Variants in ESRRB observed in about 807,000 individuals in gnomAD.
ESRRB encodes estrogen related receptor beta.
A neutral mutation model predicts 46.0 loss-of-function variants in ESRRB; 16 were observed. The observed-to-expected ratio is 0.35, with a 90% CI of 0.24 to 0.53. The LOEUF is 0.53. ESRRB is among the 20% of genes least tolerant of loss of function. ESRRB has a pLI of 0.93. For missense variants in ESRRB, 488 were observed against 607.4 expected (o/e 0.80, Z 2.07); for synonymous variants, 246 against 259.6 (o/e 0.95, Z 0.50).
intron 5 of ESRRB, among the ~76,000 whole-genome samples, chr14:76,491,038 G>A (rs1406528221): frequency 2.0e-5 from 3 of 152,116 alleles, no homozygotes; most frequent in Non-Finnish European, 4.4e-5. Context: ...CAGAGAGTGG[G>A]CCCTGGAAAC....
intron 1 of ESRRB, among the ~76,000 whole-genome samples, chr14:76,429,970 G>GCCTGCCTTCCTGCCTT (rs906006024): frequency 6.6e-6 from 1 of 151,298 alleles, no homozygotes; most frequent in Admixed American, 6.6e-5. Flanking sequence ...CTTCCTTCCT[G>GCCTGCCTTCCTGCCTT]CCTGCCTTCC....
chr14:76,457,672 C>T (rs1157775563), intron 2 of ESRRB, among the ~76,000 whole-genome samples: 2 of 152,040 alleles, frequency 1.3e-5, no homozygotes, highest in African/African-American at 2.4e-5. Flanking sequence ...ATCTAGGGAA[C>T]TTTTATTTTT....
chr14:76,403,737 T>G (rs1886042011), intron 1 of ESRRB, among the ~76,000 whole-genome samples: 1 of 152,118 alleles, frequency 6.6e-6, no homozygotes, highest in Non-Finnish European at 1.5e-5. Flanking sequence ...ACCATCTTTT[T>G]TTTTTTGAGA....
rs977959739 is a variant in ESRRB at position 76,405,513 on chromosome 14, T to C, written c.50+29062T>C. Among the ~76,000 whole-genome samples the C allele has an allele frequency of 1.3e-5, 2 of 152,160 alleles. 1 individual carries two copies. Among genetic ancestry groups the C allele is most frequent in the Middle Eastern group, 6.3e-3 (2 of 316 alleles). ...CTTGGGAAGTAGTGTGGGTGGTTTA[T>C]CTTGGGCATTTAAGTCCATGAGCAT... On this transcript the variant is annotated intron_variant, in intron 1 of 6. Transcript: ENST00000644823.
chr14:76,349,066 A>T (rs1008805360), intron 1 of ESRRB, among the ~76,000 whole-genome samples: 1 of 152,206 alleles, frequency 6.6e-6, no homozygotes, highest in Non-Finnish European at 1.5e-5. Context: ...GAAATGCTTC[A>T]TCCTCAAATG....
At chr14:76,416,455 G>A (rs542873323) in intron 1 of ESRRB, among the ~76,000 whole-genome samples, 7 of 150,724 alleles carry the variant, frequency 4.6e-5, no homozygotes, top group Admixed American at 1.3e-4. Flanking sequence ...TTTTCCCCCC[G>A]TCTCTGCTTT....
chr14:76,450,515 G>A (rs1371868181), intron 2 of ESRRB, among the ~76,000 whole-genome samples: 1 of 152,150 alleles, frequency 6.6e-6, no homozygotes, highest in East Asian at 1.9e-4. Flanking sequence ...ACAGGCCACT[G>A]GGAGTCTTTT....
intron 1 of ESRRB, among the ~76,000 whole-genome samples, chr14:76,411,166 G>A (rs1371063194): frequency 6.6e-6 from 1 of 152,002 alleles, no homozygotes; most frequent in African/African-American, 2.4e-5. Flanking sequence ...ATGCAAGGCT[G>A]GGCATGGTGG....
rs931695382 is a variant in ESRRB at position 76,318,598 on chromosome 14, A to G, written c.2+7682A>G. Among the ~76,000 whole-genome samples the G allele has an allele frequency of 4.6e-5, 7 of 152,156 alleles. 1 individual carries two copies. Among genetic ancestry groups the G allele is most frequent in the Admixed American group, 6.5e-5 (1 of 15,278 alleles). ...GTCCCAGCCTCTCCACTTCACACTCAGTTTCCTCATCTGTAAAATATGGGT... is the reference window on the plus strand; with the variant it reads ...GTCCCAGCCTCTCCACTTCACACTCGGTTTCCTCATCTGTAAAATATGGGT... On this transcript the variant is annotated intron_variant, in intron 1 of 6. Coordinates refer to the ESRRB transcript ENST00000512784.
intron 1 of ESRRB, among the ~76,000 whole-genome samples, chr14:76,344,346 T>C (rs1346201124): frequency 1.3e-5 from 2 of 152,160 alleles, no homozygotes; most frequent in Non-Finnish European, 2.9e-5. Flanking sequence ...TAGTGGTGAT[T>C]TGTGAGATCC....
At chr14:76,425,180 T>C (rs1008710256) in intron 1 of ESRRB, among the ~76,000 whole-genome samples, 2 of 152,172 alleles carry the variant, frequency 1.3e-5, no homozygotes, top group Non-Finnish European at 2.9e-5. Flanking sequence ...TGGAGGGCTA[T>C]CTCATGGAAG....
chr14:76,319,062 T>C (rs1021683611), intron 1 of ESRRB, among the ~76,000 whole-genome samples: 2 of 152,212 alleles, frequency 1.3e-5, no homozygotes, highest in Non-Finnish European at 2.9e-5. Flanking sequence ...GCCAAGCCTT[T>C]TTCCTCTCAT....
At chr14:76,358,937 G>T (rs1012890685) in intron 1 of ESRRB, among the ~76,000 whole-genome samples, 3 of 152,194 alleles carry the variant, frequency 2.0e-5, no homozygotes, top group African/African-American at 7.2e-5. Flanking sequence ...TCCCCACCCG[G>T]CAAGTCTGTG....
At chr14:76,371,869 C>T (rs1566863127), upstream of ESRRB, among the ~76,000 whole-genome samples, 1 of 152,118 alleles carries the variant, frequency 6.6e-6, no homozygotes, top group Non-Finnish European at 1.5e-5. Flanking sequence ...GAGGAAGTAT[C>T]CTCCTATTGT....
At chr14:76,433,493 G>T (rs775214831) in intron 1 of ESRRB, among the ~76,000 whole-genome samples, 1 of 152,072 alleles carries the variant, frequency 6.6e-6, no homozygotes, top group Non-Finnish European at 1.5e-5. Flanking sequence ...TCTCATCAAA[G>T]AAGCTGACAA....
At chr14:76,417,154 G>A (rs1886741828) in intron 1 of ESRRB, among the ~76,000 whole-genome samples, 1 of 152,044 alleles carries the variant, frequency 6.6e-6, no homozygotes. Flanking sequence ...AAAAAAGAAA[G>A]AAAGAAAAAG....
rs1182303124 is a variant in ESRRB, at chr14:76,439,591, G to A, written c.301G>A (p.Ala101Thr). ...ATGCCGCAAGAGCTACGAGGACTGT[G>A]CCAGCGGCATCATGGAGGACTCGGC... ...TPCRKSYEDCASGIMEDSAIK... is the reference protein window; with the variant it reads ...TPCRKSYEDCTSGIMEDSAIK... Residue 101 changes from alanine (A) to threonine (T), a missense_variant, in exon 2 of 7, where the codon GCC (alanine) becomes ACC (threonine). By Grantham distance (58) the Ala-to-Thr change is moderately conservative (BLOSUM62 0). Transcript: ENST00000644823. 1 of 1,614,200 alleles carries A rather than the reference G, an allele frequency of 6.2e-7. No homozygotes were observed. Among genetic ancestry groups the A allele is most frequent in the East Asian group, 2.2e-5 (1 of 44,878 alleles).
At chr14:76,436,135 CAAG>C (rs1887663926) in intron 1 of ESRRB, among the ~76,000 whole-genome samples, 1 of 152,190 alleles carries the variant, frequency 6.6e-6, no homozygotes, top group Non-Finnish European at 1.5e-5. Context: ...CCTTCTGAAT[CAAG>C]GAGGGGAGCG....
At position 76,500,368 on chromosome 14, in the gene ESRRB, G is replaced by C. The variant is rs1324549466; in HGVS notation, c.*1910G>C. 1 of 584,670 alleles carries C rather than the reference G, an allele frequency of 1.7e-6. No individual in the cohort carries two copies. Among genetic ancestry groups the C allele is most frequent in the Non-Finnish European group, 3.0e-6 (1 of 329,146 alleles). 36.2% of individuals were successfully genotyped at this position (584,670 alleles called of 1,614,324 possible). On this transcript the variant is annotated 3_prime_UTR_variant, in exon 7 of 7. Transcript: ENST00000644823. ...TGGAGCCGTTACCCAGGATGCTGCG[G>C]CCCTAGCCCTCCATGCAGCCCATCT... is the stretch of plus-strand genomic sequence containing the variant.
Sources: gnomAD v4.1 joint callset for allele counts (sites outside exome capture counted in the v4.1 genomes callset) on GRCh38, gnomAD v4.1.1 for gene constraint, MANE v1.5 for transcripts, NCBI Gene and HGNC (gene_info 2026-07-23, HGNC 2026-07-21) for gene names.